INSL6: variants seen among roughly 807,000 people sequenced by gnomAD.
INSL6 encodes the protein insulin like 6.
Under a neutral mutation model 9.4 loss-of-function variants are expected in INSL6, and 16 were observed. The observed-to-expected ratio is 1.70, with a 90% CI of 1.15 to 2.59. The LOEUF (loss-of-function observed/expected upper bound fraction) is 2.59. INSL6 is among the 30% of genes most tolerant of loss of function. The probability of loss-of-function intolerance (pLI) is 0.00; values close to 1 mark genes in which losing one functional copy is unlikely to be tolerated. For missense variants in INSL6, 391 were observed against 257.3 expected (o/e 1.52, Z -3.56); for synonymous variants, 154 against 96.9 (o/e 1.59, Z -3.46).
At chr9:5,030,085 G>C in the INSL6 span, among the ~76,000 whole-genome samples, 1 of 152,150 alleles carries the variant, frequency 6.6e-6, no homozygotes, top group African/African-American at 2.4e-5. Context: ...GTTTATACAT[G>C]TTGTGTAAGT....
the INSL6 span, among the ~76,000 whole-genome samples, chr9:5,018,773 T>C: frequency 6.6e-6 from 1 of 152,242 alleles, no homozygotes; most frequent in Non-Finnish European, 1.5e-5. Context: ...AAGGATAATT[T>C]TGCTGGGTAT....
chr9:5,068,960 A>T, the INSL6 span: 1 of 932,274 alleles, frequency 1.1e-6, no homozygotes, highest in South Asian at 1.9e-5. Flanking sequence ...ATTTTGTCAG[A>T]ATAATCACTG....
chr9:5,077,286 C>T, the INSL6 span, among the ~76,000 whole-genome samples: 4 of 150,484 alleles, frequency 2.7e-5, no homozygotes, highest in East Asian at 7.7e-4. Flanking sequence ...AACTAAAAAC[C>T]AAAAATATAA....
chr9:5,099,013 A>G, the INSL6 span: 7 of 152,110 alleles, frequency 4.6e-5, no homozygotes, highest in Non-Finnish European at 7.3e-5. Context: ...CAATTCTTAT[A>G]TAACCCCAAC....
At chr9:5,029,601 TA>T in the INSL6 span, among the ~76,000 whole-genome samples, 2 of 152,138 alleles carry the variant, frequency 1.3e-5, no homozygotes, top group African/African-American at 2.4e-5. Context: ...TATGTTTGTA[TA>T]AAAAAAGATT....
chr9:5,080,403 A>G, the INSL6 span: 5 of 1,580,726 alleles, frequency 3.2e-6, no homozygotes, highest in South Asian at 4.6e-5. Context: ...AGACTAAGTT[A>G]GAATTACTCT....
the INSL6 span, among the ~76,000 whole-genome samples, chr9:5,015,433 A>G: frequency 9.8e-5 from 15 of 152,320 alleles, no homozygotes; most frequent in East Asian, 2.5e-3. Context: ...ATATGCACAA[A>G]TGGTACAGAA....
At chr9:5,040,192 A>G in the INSL6 span, among the ~76,000 whole-genome samples, 1 of 152,154 alleles carries the variant, frequency 6.6e-6, no homozygotes. Flanking sequence ...TGCCAAGACA[A>G]TTCATGGGCA....
chr9:4,995,488 T>G, the INSL6 span, among the ~76,000 whole-genome samples: 5 of 152,238 alleles, frequency 3.3e-5, no homozygotes, highest in African/African-American at 1.2e-4. Flanking sequence ...GGTTGTCCAG[T>G]TTCAATACTA....
Position 5,133,160 on chromosome 9 carries a change from T to TTTTTCCC in INSL6, c.*10+264_*10+265insGGGAAAA, listed in dbSNP as rs879612993. Among the ~76,000 whole-genome samples the TTTTTCCC allele has an allele frequency of 1.3e-5, 2 of 150,434 alleles. 1 individual carries two copies. Among genetic ancestry groups the TTTTTCCC allele is most frequent in the East Asian group, 3.9e-4 (2 of 5,192 alleles). On this transcript the variant is annotated intron_variant, in intron 3 of 3. Transcript: ENST00000649639. ...TACATAAACAGATATGCAGTGATATTAGAGTGTCATGGTAGAGGAAATTAG... is the reference window on the plus strand; with the variant it reads ...TACATAAACAGATATGCAGTGATATTTTTTCCCAGAGTGTCATGGTAGAGGAAATTAG...
chr9:5,008,431 C>A, the INSL6 span, among the ~76,000 whole-genome samples: 1 of 152,130 alleles, frequency 6.6e-6, no homozygotes, highest in African/African-American at 2.4e-5. Flanking sequence ...AAGAAAAGGG[C>A]TGGCACTTTT....
Position 5,185,425 on chromosome 9 carries a change from G to A in INSL6, c.178C>T (p.Pro60Ser). The A allele has an allele frequency of 6.2e-7, 1 of 1,614,180 alleles. No homozygotes were observed. The highest frequency in any genetic ancestry group is 8.5e-7 in the Non-Finnish European group (1 of 1,180,040). Residue 60 changes from proline to serine, a missense_variant, in exon 1 of 2, where the codon CCT (proline) becomes TCT (serine). Pro to Ser is a moderately conservative substitution (Grantham distance 74). Transcript: ENST00000381641. ...WSQFRFEEET[P>S]FSRLIAQASE... Reference sequence around the variant, plus strand: ...GCCTGTGCAATCAACCGTGAGAAAGGGGTTTCCTCCTCGAAACGGAACTGG... The same window carrying A: ...GCCTGTGCAATCAACCGTGAGAAAGAGGTTTCCTCCTCGAAACGGAACTGG...
chr9:5,003,563 G>A, the INSL6 span, among the ~76,000 whole-genome samples: 1 of 151,802 alleles, frequency 6.6e-6, no homozygotes, highest in Non-Finnish European at 1.5e-5. Context: ...TTATATATTG[G>A]TCTTGCATCT....
At chr9:5,098,545 C>G in the INSL6 span, 1 of 152,136 alleles carries the variant, frequency 6.6e-6, no homozygotes, top group Non-Finnish European at 1.5e-5. Flanking sequence ...ACTATCTTAC[C>G]TGCCATTATC....
At chr9:5,112,065 G>A in the INSL6 span, 58 of 400,826 alleles carry the variant, frequency 1.4e-4, no homozygotes, top group Middle Eastern at 7.2e-4. Flanking sequence ...GGGTCTCCAC[G>A]GCCTGGAGAG....
the INSL6 span, chr9:5,021,852 C>G: frequency 1.6e-6 from 1 of 623,322 alleles, no homozygotes; most frequent in South Asian, 2.0e-5. Flanking sequence ...AGGCTTGTCT[C>G]CAACTTCTGG....
chr9:5,065,006 GA>G, the INSL6 span: 1 of 1,604,708 alleles, frequency 6.2e-7, no homozygotes, highest in Admixed American at 1.7e-5. Context: ...AGCCGTGCTT[GA>G]AAATATACAA....
the INSL6 span, chr9:5,073,648 T>G: frequency 1.5e-6 from 2 of 1,360,370 alleles, no homozygotes; most frequent in South Asian, 2.4e-5. Context: ...TCTGAACTAT[T>G]TATGGACAAC....
chr9:5,080,685 T>TATGTA, the INSL6 span: 3 of 1,562,550 alleles, frequency 1.9e-6, no homozygotes, highest in African/African-American at 1.4e-5. Flanking sequence ...TTACTCCAGG[T>TATGTA]ATGTATTTGA....
Sources: gnomAD v4.1 joint callset for allele counts (sites outside exome capture counted in the v4.1 genomes callset) on GRCh38, gnomAD v4.1.1 for gene constraint, MANE v1.5 for transcripts, NCBI Gene and HGNC (gene_info 2026-07-23, HGNC 2026-07-21) for gene names.